ANO2: variants seen among roughly 807,000 people sequenced by gnomAD.
ANO2 encodes the protein anoctamin 2.
In ANO2, 101 loss-of-function variants were observed where a neutral mutation model predicts 124.2. The observed-to-expected ratio is 0.81, with a 90% CI of 0.69 to 0.96. The LOEUF (loss-of-function observed/expected upper bound fraction) is 0.96, where lower values mean the gene tolerates loss of function less well. Among genes scored for constraint, ANO2 ranks in the 40% least tolerant of loss-of-function variants. The pLI, the probability that ANO2 is intolerant of heterozygous loss-of-function variation, is 0.00. For synonymous variants in ANO2, 486 were observed against 482.5 expected, an observed-to-expected ratio of 1.01 and a Z score of -0.09; for missense variants, 1,293 against 1,274.5, an observed-to-expected ratio of 1.01 and a Z score of -0.22.
chr12:5,794,183 G>A (rs981660848), intron 10 of ANO2, among the ~76,000 whole-genome samples: 1 of 152,178 alleles, frequency 6.6e-6, no homozygotes, highest in Non-Finnish European at 1.5e-5. Flanking sequence ...ATGTTTTCCA[G>A]CTAAACCCAA....
At chr12:5,789,351 T>G (rs907514247) in intron 10 of ANO2, among the ~76,000 whole-genome samples, 1 of 152,252 alleles carries the variant, frequency 6.6e-6, no homozygotes, top group African/African-American at 2.4e-5. Context: ...ATCATACCAT[T>G]GCCCTCATCC....
At chr12:5,716,080 T>C (rs1418918457) in intron 14 of ANO2, among the ~76,000 whole-genome samples, 1 of 152,252 alleles carries the variant, frequency 6.6e-6, no homozygotes, top group Non-Finnish European at 1.5e-5. Flanking sequence ...AGGGTTATAG[T>C]GGTCTGCCTA....
chr12:5,922,563 T>G, intron 2 of ANO2, 57 bp downstream of exon 2: 1 of 1,480,802 alleles, frequency 6.8e-7, no homozygotes, highest in Non-Finnish European at 8.9e-7. Context: ...AGAGGCTCCT[T>G]GGTGGCCTGC....
chr12:5,926,472 CCT>C (rs1555185210), intron 1 of ANO2, among the ~76,000 whole-genome samples: 1 of 152,126 alleles, frequency 6.6e-6, no homozygotes, highest in South Asian at 2.1e-4. Flanking sequence ...GTCTCCACCC[CCT>C]CTCTCCTGCT....
intron 4 of ANO2, among the ~76,000 whole-genome samples, chr12:5,844,550 A>G (rs141832919): frequency 1.3e-5 from 2 of 152,356 alleles, no homozygotes; most frequent in East Asian, 3.9e-4. Flanking sequence ...CATTTGCTTT[A>G]CATGTAGACC....
At chr12:5,755,150 T>C (rs1951539719) in intron 10 of ANO2, among the ~76,000 whole-genome samples, 1 of 151,858 alleles carries the variant, frequency 6.6e-6, no homozygotes, top group African/African-American at 2.4e-5. Context: ...TTTTTTGATT[T>C]ATTCTTTGAC....
intron 10 of ANO2, among the ~76,000 whole-genome samples, chr12:5,793,011 C>T (rs1952742745): frequency 6.6e-6 from 1 of 152,142 alleles, no homozygotes; most frequent in Non-Finnish European, 1.5e-5. Flanking sequence ...GTGGGGAACA[C>T]ACGTTGATAT....
chr12:5,854,110 A>G lies in ANO2; in HGVS notation c.566T>C (p.Ile189Thr). The change falls in exon 4 of 25, where the codon ATA (isoleucine) becomes ACA (threonine). Residue 189 changes from isoleucine (I) to threonine (T), a missense_variant. By Grantham distance (89) the Ile-to-Thr change is moderately conservative. Coordinates refer to ENST00000682330, the MANE Select transcript of ANO2 (RefSeq NM_001364791.2). ...NKSQGSIFVR[I>T]HAPWQVLARE... ...GGCCAGCACCTGCCACGGGGCGTGT[A>G]TCCGGACAAAGATGGATCCCTGGCT... 6.2e-7 allele frequency: 1 copy of G among 1,613,246 alleles called. No individual in the cohort carries two copies. Among genetic ancestry groups the G allele is most frequent in the Non-Finnish European group, 8.5e-7 (1 of 1,179,418 alleles).
chr12:5,609,228 G>A (rs1004678580), intron 19 of ANO2: 19 of 152,136 alleles, frequency 1.2e-4, no homozygotes, highest in Admixed American at 8.5e-4. Flanking sequence ...AGCAGGGAAC[G>A]GGGGGCACAG....
intron 24 of ANO2, among the ~76,000 whole-genome samples, chr12:5,563,796 G>A (rs566836662): frequency 2.0e-5 from 3 of 152,216 alleles, no homozygotes; most frequent in Non-Finnish European, 2.9e-5. Flanking sequence ...TACATGTGGA[G>A]CATCTGCCGC....
intron 20 of ANO2, among the ~76,000 whole-genome samples, chr12:5,595,366 G>GT (rs71445655): frequency 0.29 from 44,120 of 150,446 alleles, 6,571 homozygotes; most frequent in Non-Finnish European, 0.33. Context: ...ACACTCTACT[G>GT]TTTTTTTTTC....
At chr12:5,818,063 A>G (rs1275726413) in intron 7 of ANO2, among the ~76,000 whole-genome samples, 1 of 152,156 alleles carries the variant, frequency 6.6e-6, no homozygotes, top group East Asian at 1.9e-4. Flanking sequence ...AAGACTGAGA[A>G]GAAAAAAACA....
intron 14 of ANO2, among the ~76,000 whole-genome samples, chr12:5,708,855 A>C (rs987079737): frequency 6.6e-6 from 1 of 152,234 alleles, no homozygotes; most frequent in Non-Finnish European, 1.5e-5. Context: ...AACCCTTTAG[A>C]CTAGCCTAGC....
intron 3 of ANO2, among the ~76,000 whole-genome samples, chr12:5,871,735 G>A (rs1937712114): frequency 1.3e-5 from 2 of 152,180 alleles, no homozygotes; most frequent in Non-Finnish European, 2.9e-5. Flanking sequence ...GTGCCAAAAA[G>A]GTTGGGGACC....
intron 10 of ANO2, among the ~76,000 whole-genome samples, chr12:5,761,544 G>A (rs1227712276): frequency 6.6e-6 from 1 of 152,046 alleles, no homozygotes; most frequent in African/African-American, 2.4e-5. Context: ...TATTGTACCT[G>A]TCTTATCGTT....
At chr12:5,804,457 C>CA in intron 9 of ANO2, among the ~76,000 whole-genome samples, 1 of 152,186 alleles carries the variant, frequency 6.6e-6, no homozygotes, top group South Asian at 2.1e-4. Flanking sequence ...GGAAAGGCCA[C>CA]AAGAAAGGGT....
intron 19 of ANO2, among the ~76,000 whole-genome samples, chr12:5,608,562 C>T (rs1023433949): frequency 6.6e-6 from 1 of 152,122 alleles, no homozygotes; most frequent in Non-Finnish European, 1.5e-5. Flanking sequence ...AGACACCTTA[C>T]ATATGATTTT....
intron 1 of ANO2, among the ~76,000 whole-genome samples, chr12:5,933,001 G>T (rs181539715): frequency 6.6e-6 from 1 of 152,318 alleles, no homozygotes; most frequent in East Asian, 1.9e-4. Context: ...GGCCTGGCTG[G>T]TTGAGATTAT....
intron 12 of ANO2, among the ~76,000 whole-genome samples, chr12:5,742,630 C>T (rs1951134893): frequency 6.6e-6 from 1 of 152,116 alleles, no homozygotes; most frequent in African/African-American, 2.4e-5. Flanking sequence ...TTATGTGTCC[C>T]AAGAAAGTTC....
Sources: allele counts gnomAD v4.1 joint callset (sites outside exome capture counted in the v4.1 genomes callset), GRCh38; gene constraint gnomAD v4.1.1; transcripts MANE v1.5; gene names NCBI Gene and HGNC (gene_info 2026-07-23, HGNC 2026-07-21).